SHISAL1: variants seen among roughly 807,000 people sequenced by gnomAD.
The protein encoded by SHISAL1 is protein shisa-like-1.
Under a neutral mutation model 22.6 loss-of-function variants are expected in SHISAL1, and 9 were observed. The observed-to-expected ratio is 0.40, with a 90% confidence interval of 0.24 to 0.70. The LOEUF (loss-of-function observed/expected upper bound fraction) is 0.70, where lower values mean the gene tolerates loss of function less well. SHISAL1 is among the 30% of genes least tolerant of loss of function. SHISAL1 has a pLI of 0.39. For synonymous variants in SHISAL1, 119 were observed against 115.4 expected (o/e 1.03, Z -0.20); for missense variants, 246 against 270.6 (o/e 0.91, Z 0.64).
rs1383411869 is a variant in SHISAL1 at position 44,285,482 on chromosome 22, A to T, written c.545T>A (p.Leu182Ter). 1 of 1,613,898 alleles carries T rather than the reference A, an allele frequency of 6.2e-7. No homozygotes were observed. Among genetic ancestry groups the T allele is most frequent in the African/African-American group, 1.3e-5 (1 of 74,908 alleles). The change falls in exon 4 of 5, where the codon TTG becomes TAG. Residue 182 changes from leucine (L) to a stop codon, truncating the protein, a stop_gained. Transcript: ENST00000381176. LOFTEE classifies it high-confidence loss of function. ...CGGTGGGCTGTGAGCATCTCCCCGCAATGTGTGCACGGCCTGTGGGGCTTG... is the reference window on the plus strand; with the variant it reads ...CGGTGGGCTGTGAGCATCTCCCCGCTATGTGTGCACGGCCTGTGGGGCTTG... ...LPQAPQAVHT[L>*]RGDAHSPPLM...
chr22:44,303,353 T>C (rs1244371247), intron 1 of SHISAL1, among the ~76,000 whole-genome samples: 1 of 152,080 alleles, frequency 6.6e-6, no homozygotes. Context: ...AGGTCATTAG[T>C]TAAGATGAGG....
rs1354288435 is a variant in SHISAL1, at chr22:44,249,660, A to G, written c.*25T>C. ...GGGTGCTTCAGATCTCATCTCCCCC[A>G]TCCTGAGGCACAGCAAAAGCGTTTT... On this transcript the variant is annotated 3_prime_UTR_variant, in exon 5 of 5. Transcript: ENST00000381176. 2 of 779,786 alleles carry G rather than the reference A, an allele frequency of 2.6e-6. No individual in the cohort carries two copies. Among genetic ancestry groups the G allele is most frequent in the Non-Finnish European group, 4.8e-6 (2 of 418,008 alleles). The allele number at this position is 779,786 out of a possible 1,614,324, so 48.3% of individuals were successfully genotyped here.
chr22:44,257,937 C>T lies in SHISAL1; in HGVS notation c.*-8252G>A, dbSNP rs561048183. ...TGGGCGGATCACCAGGTCAGGAGTT[C>T]GAAACCAGCCTGACCAACATGGTGA... On this transcript the variant is annotated intron_variant, in intron 4 of 4. Coordinates refer to ENST00000381176, the MANE Select transcript of SHISAL1 (RefSeq NM_001099294.2). Among the ~76,000 whole-genome samples the T allele has an allele frequency of 2.4e-3, 371 of 152,256 alleles. 3 individuals are homozygous for T. Among genetic ancestry groups the T allele is most frequent in the Non-Finnish European group, 1.8e-3 (124 of 68,024 alleles).
chr22:44,275,420 A>G lies in SHISAL1; in HGVS notation c.599+10008T>C, dbSNP rs1385080376. 2.6e-5 allele frequency among the ~76,000 whole-genome samples: 4 copies of G among 152,202 alleles called. No individual in the cohort carries two copies. In the East Asian group the frequency reaches 7.7e-4, roughly 29 times the overall value. ...ATCAGAAGCGAGGCTGAGTTTCGGGAAGCTCCTGGGCCCAGACCAGAGAGG... is the reference window on the plus strand; with the variant it reads ...ATCAGAAGCGAGGCTGAGTTTCGGGGAGCTCCTGGGCCCAGACCAGAGAGG... On this transcript the variant is annotated intron_variant, in intron 4 of 4. Transcript: ENST00000381176.
At chr22:44,324,258 G>A in the SHISAL1 span, among the ~76,000 whole-genome samples, 8 of 152,228 alleles carry the variant, frequency 5.3e-5, no homozygotes, top group Non-Finnish European at 1.0e-4. Flanking sequence ...TCACTAGTAA[G>A]AGATGGGGCT....
chr22:44,308,634 G>A (rs928568839), intron 1 of SHISAL1, among the ~76,000 whole-genome samples: 8 of 152,188 alleles, frequency 5.3e-5, no homozygotes, highest in African/African-American at 1.4e-4. Flanking sequence ...GGGTGATCTC[G>A]GGCTGTCTGG....
At chr22:44,300,839 C>A in intron 2 of SHISAL1, 40 bp downstream of exon 2, 1 of 1,572,576 alleles carries the variant, frequency 6.4e-7, no homozygotes, top group Non-Finnish European at 8.7e-7. Context: ...CCCACACCCC[C>A]ACGTGCCGCC....
chr22:44,330,798 CG>C, the SHISAL1 span, among the ~76,000 whole-genome samples: 2 of 152,204 alleles, frequency 1.3e-5, no homozygotes, highest in Non-Finnish European at 2.9e-5. Flanking sequence ...CCGAGGCTGC[CG>C]CCGGGCCGGG....
intron 3 of SHISAL1, 148 bp from the exon 4 acceptor site, chr22:44,285,893 C>A (rs1014559738): frequency 3.0e-6 from 2 of 671,370 alleles, no homozygotes; most frequent in African/African-American, 1.8e-5. Flanking sequence ...GAGGGCGGGG[C>A]CTTGGCTCCC....
the SHISAL1 span, among the ~76,000 whole-genome samples, chr22:44,327,134 C>A: frequency 6.6e-6 from 1 of 152,094 alleles, no homozygotes; most frequent in South Asian, 2.1e-4. Flanking sequence ...GTTCCTGGGG[C>A]CTCTCCCCAT....
intron 4 of SHISAL1, among the ~76,000 whole-genome samples, chr22:44,274,049 G>GCCCCCC (rs368725664): frequency 2.1e-4 from 29 of 137,222 alleles, no homozygotes; most frequent in African/African-American, 4.4e-4. Flanking sequence ...GAACCTCCCG[G>GCCCCCC]CCCCCCCCTC....
At chr22:44,259,473 T>A (rs1601777578) in intron 4 of SHISAL1, among the ~76,000 whole-genome samples, 1 of 142,006 alleles carries the variant, frequency 7.0e-6, no homozygotes, top group Non-Finnish European at 1.5e-5. Context: ...TAAAAATTAT[T>A]AAAAAAAAAA....
rs533932492 is a variant in SHISAL1, at chr22:44,293,815, G to A, written c.281+2857C>T. On this transcript the variant is annotated intron_variant, in intron 3 of 4. Transcript: ENST00000381176. ...TCCATAAACACTTTCTAGGGCTAACGATTAAAAATGTAAGTTAAAATTCTG... is the reference window on the plus strand; with the variant it reads ...TCCATAAACACTTTCTAGGGCTAACAATTAAAAATGTAAGTTAAAATTCTG... Among the ~76,000 whole-genome samples the A allele has an allele frequency of 3.9e-5, 6 of 152,256 alleles. No homozygotes were observed. The South Asian group carries it at 8.3e-4, about 21-fold the overall frequency.
rs1054829305 is a variant in SHISAL1 at position 44,245,471 on chromosome 22, C to G, written c.*4214G>C. 9 of 152,324 alleles carry G rather than the reference C, an allele frequency of 5.9e-5. No homozygotes were observed. Among genetic ancestry groups the G allele is most frequent in the African/African-American group, 1.2e-4 (5 of 41,572 alleles). The allele number at this position is 152,324 out of a possible 1,614,324, so 9.4% of individuals were successfully genotyped here. A position where few individuals can be genotyped will look rare whatever the true frequency, so the allele number is the denominator to read the frequency against. On this transcript the variant is annotated 3_prime_UTR_variant, in exon 5 of 5. Coordinates refer to ENST00000381176, the MANE Select transcript of SHISAL1 (RefSeq NM_001099294.2). ...TGTAAATTCACTTCCGAAGGCTTTT[C>G]CTGTTGATGGGGACCAGTTCAGCCA...
At chr22:44,298,692 G>A (rs988927375) in intron 2 of SHISAL1, among the ~76,000 whole-genome samples, 3 of 152,250 alleles carry the variant, frequency 2.0e-5, no homozygotes, top group Admixed American at 6.5e-5. Flanking sequence ...GGGACAGAGC[G>A]GTAGGGCAGC....
At chr22:44,269,776 C>T (rs533043422) in intron 4 of SHISAL1, among the ~76,000 whole-genome samples, 13 of 152,168 alleles carry the variant, frequency 8.5e-5, no homozygotes, top group Non-Finnish European at 1.9e-4. Context: ...CTCCTGCTCA[C>T]TTCTTACCTG....
chr22:44,325,097 G>A, the SHISAL1 span, among the ~76,000 whole-genome samples: 5 of 152,134 alleles, frequency 3.3e-5, no homozygotes, highest in African/African-American at 1.2e-4. Context: ...ACAAAAATTA[G>A]CTGGGCATGG....
chr22:44,285,450 T>G lies in SHISAL1; in HGVS notation c.577A>C (p.Thr193Pro). ...RGDAHSPPLM[T>P]FQSSSA The stretch of plus-strand genomic sequence containing the variant: ...CACCAGGCAGACGAACTCTGGAAGG[T>G]CATCAGCGGTGGGCTGTGAGCATCT... Residue 193 changes from threonine (T) to proline (P), a missense_variant, in exon 4 of 5, where the codon ACC becomes CCC. Physicochemically the swap from Thr to Pro is conservative, Grantham distance 38 (BLOSUM62 -1). Transcript: ENST00000381176. The G allele has an allele frequency of 1.2e-6, 2 of 1,614,056 alleles. No homozygotes were observed. Among genetic ancestry groups the G allele is most frequent in the Non-Finnish European group, 1.7e-6 (2 of 1,179,954 alleles).
intron 3 of SHISAL1, among the ~76,000 whole-genome samples, chr22:44,294,561 T>G (rs1038193804): frequency 2.6e-5 from 4 of 152,110 alleles, no homozygotes; most frequent in African/African-American, 9.7e-5. Flanking sequence ...TAGAAGGAGA[T>G]AAGAAGCCTG....
Sources: gnomAD v4.1 joint callset for allele counts (sites outside exome capture counted in the v4.1 genomes callset) on GRCh38, gnomAD v4.1.1 for gene constraint, MANE v1.5 for transcripts, NCBI Gene and HGNC (gene_info 2026-07-23, HGNC 2026-07-21) for gene names.